Variants in RYR3 observed in about 807,000 individuals in gnomAD.
RYR3 encodes the protein brain ryanodine receptor-calcium release channel.
Under a neutral mutation model 584.3 loss-of-function variants are expected in RYR3, and 207 were observed. That is an observed-to-expected ratio of 0.35 (90% confidence interval 0.32 to 0.40). The LOEUF is 0.40. RYR3 is among the 10% of genes least tolerant of loss of function. The pLI is 1.00. For missense variants in RYR3, 5,616 were observed against 6,089.2 expected (o/e 0.92, Z 2.59); for synonymous variants, 2,416 against 2,248.5 (o/e 1.07, Z -2.11).
chr15:33,533,078 C>G (rs573883872), intron 4 of RYR3, among the ~76,000 whole-genome samples: 6 of 152,134 alleles, frequency 3.9e-5, no homozygotes, highest in Non-Finnish European at 5.9e-5. Flanking sequence ...GATTGTGCCA[C>G]TGCACTCCAG....
chr15:33,491,671 A>C (rs2050973222), intron 2 of RYR3, among the ~76,000 whole-genome samples: 3 of 152,216 alleles, frequency 2.0e-5, no homozygotes, highest in Admixed American at 2.0e-4. Flanking sequence ...GCAGAACCTC[A>C]GTAACCCTGG....
rs181378322 is a variant in RYR3 at position 33,749,859 on chromosome 15, G to A, written c.8200-120G>A. 97 of 748,990 alleles carry A rather than the reference G, an allele frequency of 1.3e-4. 1 individual carries two copies. The highest frequency in any genetic ancestry group is 7.5e-4 in the South Asian group (45 of 60,286). 46.4% of individuals were successfully genotyped at this position (748,990 alleles called of 1,614,324 possible). ...AATTAATGATGGGAAGCCCTTGGCC[G>A]TCTGCTGTTAGTGTTCAGTGGTGTG... On this transcript the variant is annotated intron_variant, in intron 55 of 103. Transcript: ENST00000634891.
intron 36 of RYR3, 43 bp from the exon 37 acceptor site, chr15:33,669,311 A>G (rs2063678571): frequency 6.5e-7 from 1 of 1,542,368 alleles, no homozygotes; most frequent in Admixed American, 1.7e-5. Context: ...TCCCTTGGCC[A>G]ACATTGAGAA....
intron 98 of RYR3, chr15:33,855,997 A>C (rs1036529679): frequency 6.6e-6 from 1 of 152,186 alleles, no homozygotes; most frequent in Admixed American, 6.5e-5. Context: ...CGGAAGTTAC[A>C]GTGTGCCAAG....
intron 19 of RYR3, among the ~76,000 whole-genome samples, chr15:33,616,999 A>G (rs1045375745): frequency 6.6e-6 from 1 of 152,222 alleles, no homozygotes; most frequent in African/African-American, 2.4e-5. Context: ...ATCAACTGGT[A>G]AAGTATGATT....
intron 1 of RYR3, among the ~76,000 whole-genome samples, chr15:33,465,337 T>A (rs1319826299): frequency 2.6e-5 from 4 of 152,190 alleles, no homozygotes; most frequent in Non-Finnish European, 5.9e-5. Flanking sequence ...ATATGGCATT[T>A]ATATATTTAA....
intron 3 of RYR3, 91 bp from the exon 4 acceptor site, chr15:33,530,501 G>A: frequency 1.1e-6 from 1 of 872,526 alleles, no homozygotes; most frequent in Non-Finnish European, 1.9e-6. Context: ...GTCTTTTCCT[G>A]GTAGTCTGTC....
At chr15:33,341,516 G>A (rs978234946) in intron 1 of RYR3, among the ~76,000 whole-genome samples, 1 of 152,092 alleles carries the variant, frequency 6.6e-6, no homozygotes, top group Non-Finnish European at 1.5e-5. Context: ...TTCTCAACTG[G>A]AGTTCCTCAT....
intron 42 of RYR3, among the ~76,000 whole-genome samples, chr15:33,705,417 G>A (rs543065874): frequency 1.3e-4 from 19 of 148,312 alleles, no homozygotes; most frequent in Non-Finnish European, 2.1e-4. Flanking sequence ...CTATGTGCTA[G>A]GCCCTGGAGG....
At chr15:33,669,839 T>TG (rs2063709960) in intron 37 of RYR3, among the ~76,000 whole-genome samples, 1 of 11,436 alleles carries the variant, frequency 8.7e-5, no homozygotes, top group African/African-American at 2.9e-4. Context: ...GGGGTGTGTG[T>TG]GTGTGGGGGG....
At chr15:33,812,724 A>G (rs1376930195) in intron 72 of RYR3, 139 bp from the exon 73 acceptor site, 2 of 738,706 alleles carry the variant, frequency 2.7e-6, no homozygotes, top group East Asian at 5.5e-5. Context: ...GTGTTCCAGA[A>G]GATAATTGAG....
intron 1 of RYR3, among the ~76,000 whole-genome samples, chr15:33,345,138 T>C (rs1017869296): frequency 7.9e-5 from 12 of 152,132 alleles, no homozygotes; most frequent in Non-Finnish European, 1.5e-4. Flanking sequence ...GTAACTGAGA[T>C]AGAGTTGCCA....
At chr15:33,557,421 A>G (rs2057138113) in intron 10 of RYR3, among the ~76,000 whole-genome samples, 1 of 152,020 alleles carries the variant, frequency 6.6e-6, no homozygotes, top group African/African-American at 2.4e-5. Flanking sequence ...AGTCTCGCTC[A>G]ATTGCCAGGC....
intron 28 of RYR3, 157 bp from the exon 29 acceptor site, chr15:33,646,194 A>G: frequency 1.6e-6 from 1 of 607,132 alleles, no homozygotes; most frequent in Admixed American, 2.8e-5. Flanking sequence ...GACAAGGCCC[A>G]AGTAATGATG....
intron 16 of RYR3, among the ~76,000 whole-genome samples, chr15:33,599,917 G>A (rs2059577537): frequency 6.6e-6 from 1 of 152,160 alleles, no homozygotes. Flanking sequence ...TGTTCCTACT[G>A]TATGTGGATT....
intron 62 of RYR3, 113 bp downstream of exon 62, chr15:33,769,285 GA>G: frequency 1.2e-6 from 1 of 849,114 alleles, no homozygotes; most frequent in South Asian, 1.4e-5. Context: ...TTTGAGAAGA[GA>G]GGAGAGACAG....
In RYR3 at chr15:33,379,270, T is replaced by G. The variant is rs181606976; in HGVS notation, c.51+68174T>G. ...ATTTGAGAGATTGCTGATGTAATATTCATAAAAAAGAATAGAAGCGACACT... is the reference window on the plus strand; with the variant it reads ...ATTTGAGAGATTGCTGATGTAATATGCATAAAAAAGAATAGAAGCGACACT... On this transcript the variant is annotated intron_variant, in intron 1 of 103. Coordinates refer to ENST00000634891, the MANE Select transcript of RYR3 (RefSeq NM_001036.6). Among the ~76,000 whole-genome samples, 51 of 152,244 alleles carry G rather than the reference T, an allele frequency of 3.3e-4. 1 individual carries two copies. Among genetic ancestry groups the G allele is most frequent in the Admixed American group, 3.1e-3 (48 of 15,296 alleles).
In RYR3 at chr15:33,660,337, C is replaced by A; in HGVS notation, c.4536C>A (p.Thr1512=). ...RMPNSFLKVE[T]ERVSERHGWV... is the part of the protein sequence containing the mutation. Reference sequence around the variant, plus strand: ...CCAACAGCTTCCTGAAGGTGGAGACCGAGCGTGTGAGCGAGCGCCACGGCT... The same window carrying A: ...CCAACAGCTTCCTGAAGGTGGAGACAGAGCGTGTGAGCGAGCGCCACGGCT... The change falls in exon 34 of 104, where the codon ACC becomes ACA. Residue 1512 remains threonine (T), a synonymous_variant. Coordinates refer to ENST00000634891, the MANE Select transcript of RYR3 (RefSeq NM_001036.6). 6.3e-7 allele frequency: 1 copy of A among 1,592,100 alleles called. No homozygotes were observed. Among genetic ancestry groups the A allele is most frequent in the East Asian group, 2.3e-5 (1 of 43,648 alleles).
intron 3 of RYR3, among the ~76,000 whole-genome samples, chr15:33,513,526 T>C (rs942349549): frequency 1.3e-5 from 2 of 152,204 alleles, no homozygotes; most frequent in African/African-American, 4.8e-5. Context: ...TCACTTCTGC[T>C]CTGCAGAGGG....
Sources: allele counts gnomAD v4.1 joint callset (sites outside exome capture counted in the v4.1 genomes callset), GRCh38; gene constraint gnomAD v4.1.1; transcripts MANE v1.5; gene names NCBI Gene and HGNC (gene_info 2026-07-23, HGNC 2026-07-21).